Variants in PIGQ observed in about 807,000 individuals in gnomAD.
PIGQ encodes the protein phosphatidylinositol glycan anchor biosynthesis class Q.
A neutral mutation model predicts 60.3 loss-of-function variants in PIGQ; 54 were observed. The observed-to-expected ratio is 0.90, with a 90% CI of 0.72 to 1.12. The LOEUF (loss-of-function observed/expected upper bound fraction) is 1.12, where lower values mean the gene tolerates loss of function less well. PIGQ is among the 50% of genes most tolerant of loss of function. The pLI is 0.00. For synonymous variants in PIGQ, 416 were observed against 363.7 expected (o/e 1.14, Z -1.64); for missense variants, 799 against 793.5 (o/e 1.01, Z -0.08).
intron 1 of PIGQ, among the ~76,000 whole-genome samples, chr16:573,742 G>A (rs1054444580): frequency 6.6e-6 from 1 of 152,104 alleles, no homozygotes; most frequent in Non-Finnish European, 1.5e-5. Context: ...GCGTCAGGTG[G>A]TGCCGAGGAG....
At chr16:581,946 T>TAGAG (rs1322837401) in intron 9 of PIGQ, 46 of 410,914 alleles carry the variant, frequency 1.1e-4, no homozygotes, top group Non-Finnish European at 1.8e-4. Flanking sequence ...GTATTTTTAG[T>TAGAG]ACGTATGGGG....
chr16:580,143 G>A, intron 7 of PIGQ, 40 bp from the exon 8 acceptor site: 2 of 1,542,114 alleles, frequency 1.3e-6, no homozygotes, highest in Non-Finnish European at 1.8e-6. Context: ...CCTGGGCGCG[G>A]GGTCCTGCTG....
At chr16:576,369 A>G (rs1245559925) in intron 4 of PIGQ, 115 bp downstream of exon 4, 2 of 1,242,938 alleles carry the variant, frequency 1.6e-6, no homozygotes, top group Non-Finnish European at 2.2e-6. Context: ...TACCTTCTCC[A>G]TGCTCTGGAG....
In PIGQ at chr16:574,069, C is replaced by T; in HGVS notation, c.-6C>T. 6.3e-7 allele frequency: 1 copy of T among 1,590,702 alleles called. No homozygotes were observed. The highest frequency in any genetic ancestry group is 1.1e-5 in the South Asian group (1 of 89,542). On this transcript the variant is annotated 5_prime_UTR_variant, in exon 2 of 11. Transcript: ENST00000321878. ...AGCCTCTCCTCTTCTCTTCCAGCCT[C>T]CCGGCATGGTGCTCAAGGCCTTCTT...
In PIGQ at chr16:574,630, G is replaced by A. The variant is rs369384971; in HGVS notation, c.556G>A (p.Val186Met). Residue 186 changes from valine to methionine, a missense_variant, in exon 2 of 11, where the codon GTG becomes ATG. Coordinates refer to ENST00000321878, the MANE Select transcript of PIGQ (RefSeq NM_004204.5). ...CAGTGACCGCTTTGATGAGGGCCCC[G>A]TGCGGCTGAGCCACTGGCAGTCGGA... ...FRSDRFDEGP[V>M]RLSHWQSEGV... 1.1e-5 allele frequency: 18 copies of A among 1,606,990 alleles called. No individual in the cohort carries two copies. The highest frequency in any genetic ancestry group is 2.2e-5 in the South Asian group (2 of 90,046).
At position 574,630 on chromosome 16, in the gene PIGQ, G is replaced by C; in HGVS notation, c.556G>C (p.Val186Leu). 2 of 1,607,108 alleles carry C rather than the reference G, an allele frequency of 1.2e-6. No homozygotes were observed. Among genetic ancestry groups the C allele is most frequent in the Non-Finnish European group, 1.7e-6 (2 of 1,178,260 alleles). ...FRSDRFDEGPVRLSHWQSEGV... is the reference protein window; with the variant it reads ...FRSDRFDEGPLRLSHWQSEGV... The stretch of plus-strand genomic sequence containing the variant: ...CAGTGACCGCTTTGATGAGGGCCCC[G>C]TGCGGCTGAGCCACTGGCAGTCGGA... Residue 186 changes from valine (V) to leucine (L), a missense_variant, in exon 2 of 11, where the codon GTG (valine) becomes CTG (leucine). Transcript: ENST00000321878.
chr16:574,690 A>T lies in PIGQ; in HGVS notation c.616A>T (p.Arg206Trp), dbSNP rs373314884. Residue 206 changes from arginine to tryptophan, a missense_variant, in exon 2 of 11, where the codon AGG (arginine) becomes TGG (tryptophan). Coordinates refer to ENST00000321878, the MANE Select transcript of PIGQ (RefSeq NM_004204.5). ...VEASILAELA[R>W]RASGPICLLL... ...GGCCAGCATCCTCGCGGAGCTGGCC[A>T]GGCGAGCCTCGGGACCCATTTGCCT... is the stretch of plus-strand genomic sequence containing the variant. The T allele has an allele frequency of 5.6e-6, 9 of 1,603,010 alleles. No individual in the cohort carries two copies. The highest frequency in any genetic ancestry group is 5.3e-5 in the African/African-American group (4 of 74,824).
At position 578,699 on chromosome 16, in the gene PIGQ, C is replaced by T. The variant is rs73483568; in HGVS notation, c.1070-86C>T. ...TGACCCCACCCTGCCAGGCTACACG[C>T]ACCTCATGTCCTGTGTGTGTGAGGG... On this transcript the variant is annotated intron_variant, in intron 5 of 10. Coordinates refer to ENST00000321878, the MANE Select transcript of PIGQ (RefSeq NM_004204.5). 334 of 1,511,510 alleles carry T rather than the reference C, an allele frequency of 2.2e-4. No homozygotes were observed. The African/African-American group carries it at 4.1e-3, about 18-fold the overall frequency. The allele number at this position is 1,511,510 out of a possible 1,614,324, so 93.6% of individuals were successfully genotyped here.
At chr16:582,462 A>C in intron 10 of PIGQ, 153 bp downstream of exon 10, 1 of 605,158 alleles carries the variant, frequency 1.7e-6, no homozygotes, top group Admixed American at 3.0e-5. Flanking sequence ...CCCACGCGGG[A>C]CCCCCTCCCC....
rs747335868 is a variant in PIGQ, at chr16:582,045, C to T, written c.1532-203C>T. On this transcript the variant is annotated intron_variant, in intron 9 of 10. Transcript: ENST00000321878. ...TGCTGGGATTACAGGCGTGAGCCACCGTGCCTGGCTGCAGGAGGCTTTGAT... is the reference window on the plus strand; with the variant it reads ...TGCTGGGATTACAGGCGTGAGCCACTGTGCCTGGCTGCAGGAGGCTTTGAT... The T allele has an allele frequency of 1.0e-4, 66 of 659,424 alleles. 1 individual carries two copies. Among genetic ancestry groups the T allele is most frequent in the Non-Finnish European group, 1.3e-4 (48 of 358,598 alleles). The allele number at this position is 659,424 out of a possible 1,614,324, so 40.8% of individuals were successfully genotyped here. A position where few individuals can be genotyped will look rare whatever the true frequency, so the allele number is the denominator to read the frequency against.
intron 7 of PIGQ, 128 bp from the exon 8 acceptor site, chr16:580,055 C>G: frequency 1.6e-6 from 1 of 630,850 alleles, no homozygotes; most frequent in Non-Finnish European, 2.7e-6. Context: ...TCTGAGCAGG[C>G]CATCCCGAGT....
In PIGQ at chr16:582,261, C is replaced by T; in HGVS notation, c.1545C>T (p.Phe515=). ...RPYRLAAGVK[F]RVLRHEAGRP... Reference sequence around the variant, plus strand: ...CTATCCTTGCAGCTGGCGTGAAGTTCCGTGTCCTCCGGCACGAGGCCGGCA... The same window carrying T: ...CTATCCTTGCAGCTGGCGTGAAGTTTCGTGTCCTCCGGCACGAGGCCGGCA... The change falls in exon 10 of 11, where the codon TTC becomes TTT. Residue 515 remains phenylalanine, a synonymous_variant. Coordinates refer to ENST00000321878, the MANE Select transcript of PIGQ (RefSeq NM_004204.5). The T allele has an allele frequency of 6.2e-7, 1 of 1,606,868 alleles. No homozygotes were observed. Among genetic ancestry groups the T allele is most frequent in the Non-Finnish European group, 8.5e-7 (1 of 1,176,678 alleles).
chr16:576,709 G>A (rs2035725450), intron 4 of PIGQ: 1 of 413,130 alleles, frequency 2.4e-6, no homozygotes, highest in Non-Finnish European at 4.3e-6. Flanking sequence ...CCTGTGCTGA[G>A]AGCCAGAGGC....
intron 4 of PIGQ, chr16:576,556 TGTG>T (rs1233745757): frequency 3.2e-5 from 17 of 539,386 alleles, no homozygotes; most frequent in African/African-American, 5.7e-5. Flanking sequence ...GTATCTCCCT[TGTG>T]GTCCCTGAGA....
chr16:583,717 C>T lies in PIGQ; in HGVS notation c.*682C>T. The T allele has an allele frequency of 6.8e-7, 1 of 1,472,858 alleles. No homozygotes were observed. Among genetic ancestry groups the T allele is most frequent in the Non-Finnish European group, 9.4e-7 (1 of 1,061,840 alleles). 91.2% of individuals were successfully genotyped at this position (1,472,858 alleles called of 1,614,324 possible). A position where few individuals can be genotyped will look rare whatever the true frequency, so the allele number is the denominator to read the frequency against. On this transcript the variant is annotated 3_prime_UTR_variant, in exon 11 of 11. Coordinates refer to ENST00000321878, the MANE Select transcript of PIGQ (RefSeq NM_004204.5). ...CAGTGTCAAGGGCCCGCCCACTGAC[C>T]CAGCCGTACCTATTCGTCCACGGTG...
In PIGQ at chr16:574,603, C is replaced by G. The variant is rs764707741; in HGVS notation, c.529C>G (p.Arg177Gly). 2 of 1,605,062 alleles carry G rather than the reference C, an allele frequency of 1.2e-6. No individual in the cohort carries two copies. The highest frequency in any genetic ancestry group is 1.3e-5 in the African/African-American group (1 of 74,800). Residue 177 changes from arginine to glycine, a missense_variant, in exon 2 of 11, where the codon CGC becomes GGC. Physicochemically the swap from Arg to Gly is moderately radical, Grantham distance 125. Coordinates refer to ENST00000321878, the MANE Select transcript of PIGQ (RefSeq NM_004204.5). ...GGTAGCACGCAGTGAGGTGCTCTTC[C>G]GCAGTGACCGCTTTGATGAGGGCCC... ...DTVARSEVLF[R>G]SDRFDEGPVR...
intron 4 of PIGQ, chr16:576,536 C>T (rs2035722518): frequency 1.8e-6 from 1 of 563,284 alleles, no homozygotes; most frequent in Non-Finnish European, 3.1e-6. Flanking sequence ...CCTGTGGGCC[C>T]AGCGTCCTGG....
At chr16:580,130 G>A (rs1031446545) in intron 7 of PIGQ, 53 bp from the exon 8 acceptor site, 70 of 1,448,820 alleles carry the variant, frequency 4.8e-5, no homozygotes, top group Non-Finnish European at 6.1e-5. Flanking sequence ...GTGCTGGGCC[G>A]TCCCTGGGCG....
At position 580,667 on chromosome 16, in the gene PIGQ, T is replaced by C. The variant is rs558155755; in HGVS notation, c.1417-191T>C. ...CCTCTGACCTGGTGAGAGGGCCGGG[T>C]GCTCCGCCTCCAGCTTTGCTCCAGA... On this transcript the variant is annotated intron_variant, in intron 8 of 10. Coordinates refer to ENST00000321878, the MANE Select transcript of PIGQ (RefSeq NM_004204.5). 4 of 610,542 alleles carry C rather than the reference T, an allele frequency of 6.6e-6. No individual in the cohort carries two copies. In the Admixed American group the frequency reaches 1.1e-4, roughly 17 times the overall value. The allele number at this position is 610,542 out of a possible 1,614,324, so 37.8% of individuals were successfully genotyped here. A position where few individuals can be genotyped will look rare whatever the true frequency, so the allele number is the denominator to read the frequency against.
Sources: allele counts gnomAD v4.1 joint callset (sites outside exome capture counted in the v4.1 genomes callset), GRCh38; gene constraint gnomAD v4.1.1; transcripts MANE v1.5; gene names NCBI Gene and HGNC (gene_info 2026-07-23, HGNC 2026-07-21).